Variants in EML5 observed in about 807,000 individuals in gnomAD.
The protein encoded by EML5 is EMAP like 5.
Under a neutral mutation model 250.0 loss-of-function variants are expected in EML5, and 120 were observed. The observed-to-expected ratio is 0.48, with a 90% CI of 0.41 to 0.56. The LOEUF (loss-of-function observed/expected upper bound fraction) is 0.56. Among genes scored for constraint, EML5 ranks in the 20% least tolerant of loss-of-function variants. The pLI is 0.00. For synonymous variants in EML5, 771 were observed against 806.5 expected (o/e 0.96, Z 0.75); for missense variants, 2,006 against 2,437.6 (o/e 0.82, Z 3.73).
intron 28 of EML5, among the ~76,000 whole-genome samples, chr14:88,647,533 T>TA (rs985598517): frequency 9.3e-5 from 14 of 151,318 alleles, no homozygotes; most frequent in Non-Finnish European, 1.8e-4. Flanking sequence ...CCCATCTCTA[T>TA]AAAAAACACA....
chr14:88,698,351 C>A (rs2093129737), intron 14 of EML5, among the ~76,000 whole-genome samples: 2 of 150,498 alleles, frequency 1.3e-5, no homozygotes, highest in South Asian at 2.1e-4. Flanking sequence ...CTGCGACCTC[C>A]GCCTCCCAGG....
chr14:88,761,923 C>A (rs1381382460), intron 1 of EML5, among the ~76,000 whole-genome samples: 1 of 152,136 alleles, frequency 6.6e-6, no homozygotes, highest in Non-Finnish European at 1.5e-5. Flanking sequence ...GTGGTTTTGA[C>A]TTGTGTTGCT....
chr14:88,704,839 TGAAA>T lies in EML5; in HGVS notation c.2051+17_2051+20del, dbSNP rs1272405588. ...GTGAACCAAAATTCAAACAAATAAA[TGAAA>T]GATAGTTGTTTTATACCCGTGAACA... On this transcript the variant is annotated intron_variant, in intron 13 of 43. Coordinates refer to ENST00000554922, the MANE Select transcript of EML5 (RefSeq NM_183387.3). 2 of 1,580,246 alleles carry T rather than the reference TGAAA, an allele frequency of 1.3e-6. No homozygotes were observed. The highest frequency in any genetic ancestry group is 1.7e-6 in the Non-Finnish European group (2 of 1,153,068).
intron 35 of EML5, chr14:88,626,408 C>T (rs2089951774): frequency 5.9e-6 from 1 of 169,504 alleles, no homozygotes; most frequent in Admixed American, 5.5e-5. Context: ...GATCACATAG[C>T]TTAGGAGCTT....
intron 27 of EML5, among the ~76,000 whole-genome samples, chr14:88,652,910 T>A (rs1440685146): frequency 2.0e-5 from 3 of 152,206 alleles, no homozygotes; most frequent in African/African-American, 7.2e-5. Context: ...TTTCACGATA[T>A]TGATTTTTTC....
chr14:88,709,975 T>G (rs1392565290), intron 10 of EML5, among the ~76,000 whole-genome samples: 1 of 152,190 alleles, frequency 6.6e-6, no homozygotes, highest in East Asian at 1.9e-4. Flanking sequence ...AAATATAAAT[T>G]TTCATTTGTC....
At chr14:88,711,761 A>G (rs952338072) in intron 10 of EML5, among the ~76,000 whole-genome samples, 6 of 152,098 alleles carry the variant, frequency 3.9e-5, no homozygotes, top group Admixed American at 2.6e-4. Context: ...CCTGGCCAAC[A>G]TGGTGAAACC....
rs375804488 is a variant in EML5 at position 88,704,862 on chromosome 14, G to A, written c.2049C>T (p.His683=). Residue 683 remains histidine, a splice_region_variant and synonymous_variant, in exon 13 of 44, where the codon CAC becomes CAT. Transcript: ENST00000554922. ...AATGAAAGATAGTTGTTTTATACCC[G>A]TGAACAAAGTGTAATCGAATACTAT... ...PGNSIRLHFV[H]GYRGYDCRSN... The A allele has an allele frequency of 5.7e-5, 91 of 1,608,010 alleles. 1 individual carries two copies. Among genetic ancestry groups the A allele is most frequent in the Non-Finnish European group, 7.4e-5 (87 of 1,176,658 alleles).
chr14:88,642,616 A>G (rs1365654862), intron 31 of EML5, among the ~76,000 whole-genome samples: 3 of 152,172 alleles, frequency 2.0e-5, no homozygotes, highest in Non-Finnish European at 4.4e-5. Context: ...AACATAAAAC[A>G]TGGTTTTAAC....
intron 7 of EML5, among the ~76,000 whole-genome samples, chr14:88,735,355 C>A (rs2093823626): frequency 6.6e-6 from 1 of 152,034 alleles, no homozygotes. Flanking sequence ...ATCATTAGAT[C>A]TTATTTAAAA....
intron 19 of EML5, among the ~76,000 whole-genome samples, 161 bp from the exon 20 acceptor site, chr14:88,685,303 T>G (rs563114393): frequency 6.6e-6 from 1 of 152,300 alleles, no homozygotes; most frequent in East Asian, 1.9e-4. Flanking sequence ...CCTCAATCAT[T>G]CAATTTAGTA....
chr14:88,699,472 A>G lies in EML5; in HGVS notation c.2239-2520T>C, dbSNP rs536523426. Among the ~76,000 whole-genome samples, 41 of 152,186 alleles carry G rather than the reference A, an allele frequency of 2.7e-4. 1 individual carries two copies. In the East Asian group the frequency reaches 8.0e-3, roughly 30 times the overall value. On this transcript the variant is annotated intron_variant, in intron 14 of 43. Transcript: ENST00000554922. ...CAACCTCCCCTTTTTATCTCTTATC[A>G]TTTATAGCTTGTGGCTATTTAGACA...
At chr14:88,689,501 T>C (rs185715737) in intron 17 of EML5, among the ~76,000 whole-genome samples, 1 of 152,362 alleles carries the variant, frequency 6.6e-6, no homozygotes, top group Admixed American at 6.5e-5. Flanking sequence ...CTGGCCATCA[T>C]TACCTATTGA....
rs1595514141 is a variant in EML5, at chr14:88,685,132, CAAGAG to C, written c.2860_2864del (p.Leu954GlyfsTer3). On this transcript the variant is annotated frameshift_variant, in exon 20 of 44. Transcript: ENST00000554922. LOFTEE classifies it high-confidence loss of function. ...TGGCACGTATAGATGGATTATCTTCCAAGAGAAGACCTGAAATGTTAAATGAAGAT... is the reference window on the plus strand; with the variant it reads ...TGGCACGTATAGATGGATTATCTTCCAAGACCTGAAATGTTAAATGAAGAT... 6.3e-7 allele frequency: 1 copy of C among 1,593,762 alleles called. No individual in the cohort carries two copies. The highest frequency in any genetic ancestry group is 8.5e-7 in the Non-Finnish European group (1 of 1,170,884).
intron 37 of EML5, 177 bp from the exon 38 acceptor site, chr14:88,621,478 T>C: frequency 1.6e-6 from 1 of 641,568 alleles, no homozygotes; most frequent in Non-Finnish European, 2.7e-6. Context: ...CACACATCTA[T>C]CTGTAAGCAC....
rs768253436 is a variant in EML5, at chr14:88,622,737, C to A, written c.4899-19G>T. On this transcript the variant is annotated intron_variant, in intron 36 of 43. Transcript: ENST00000554922. ...TTTTGACCTAAGTAAATAACCAAGC[C>A]AGAGTAAGTGTTCATTATTGGCTAC... is the stretch of plus-strand genomic sequence containing the variant. The A allele has an allele frequency of 6.4e-7, 1 of 1,556,128 alleles. No individual in the cohort carries two copies. The highest frequency in any genetic ancestry group is 8.7e-7 in the Non-Finnish European group (1 of 1,144,484).
intron 21 of EML5, among the ~76,000 whole-genome samples, chr14:88,670,048 G>A (rs2092415397): frequency 6.6e-6 from 1 of 152,026 alleles, no homozygotes; most frequent in African/African-American, 2.4e-5. Flanking sequence ...AGGCATAGTG[G>A]CTCATGCCTG....
At chr14:88,696,616 A>G (rs1289411483) in intron 15 of EML5, among the ~76,000 whole-genome samples, 1 of 152,160 alleles carries the variant, frequency 6.6e-6, no homozygotes, top group Non-Finnish European at 1.5e-5. Flanking sequence ...TGTTAACAGA[A>G]ACATGTAAAT....
chr14:88,728,692 T>C (rs779391185), intron 7 of EML5, among the ~76,000 whole-genome samples: 4 of 152,156 alleles, frequency 2.6e-5, no homozygotes, highest in African/African-American at 4.8e-5. Flanking sequence ...CACCTATAAG[T>C]GGACCCATGC....
Sources: gnomAD v4.1 joint callset for allele counts (sites outside exome capture counted in the v4.1 genomes callset) on GRCh38, gnomAD v4.1.1 for gene constraint, MANE v1.5 for transcripts, NCBI Gene and HGNC (gene_info 2026-07-23, HGNC 2026-07-21) for gene names.